The following FDFT1 variants were observed in gnomAD, a reference collection of about 807,000 sequenced individuals.
The protein encoded by FDFT1 is squalene synthase.
FDFT1 carries 68 observed loss-of-function variants against 46.8 expected under a neutral mutation model. The observed-to-expected ratio is 1.45, with a 90% CI of 1.19 to 1.78. The LOEUF (loss-of-function observed/expected upper bound fraction) is 1.78. Among genes scored for constraint, FDFT1 ranks in the 40% most tolerant of loss-of-function variants. The pLI is 0.00. For synonymous variants in FDFT1, 351 were observed against 185.1 expected, an observed-to-expected ratio of 1.90 and a Z score of -7.28; for missense variants, 928 against 524.4, an observed-to-expected ratio of 1.77 and a Z score of -7.52.
At position 11,808,588 on chromosome 8, in the gene FDFT1, C is replaced by T. The variant is rs537240778; in HGVS notation, c.100-206C>T. ...CGCACCTTGGTGCTGAGTCCCGCCG[C>T]GGCGCCCAGGGGCCCGGGCGCAGGC... On this transcript the variant is annotated intron_variant, in intron 1 of 7. Transcript: ENST00000220584. The T allele has an allele frequency of 4.3e-6, 6 of 1,387,050 alleles. No individual in the cohort carries two copies. In the South Asian group the frequency reaches 4.8e-5, roughly 11 times the overall value. The allele number at this position is 1,387,050 out of a possible 1,614,324, so 85.9% of individuals were successfully genotyped here.
rs749166948 is a variant in FDFT1, at chr8:11,809,860, G to A, written c.381+10G>A. 1 of 1,605,458 alleles carries A rather than the reference G, an allele frequency of 6.2e-7. No homozygotes were observed. The highest frequency in any genetic ancestry group is 8.5e-7 in the Non-Finnish European group (1 of 1,173,606). ...GGAGGACTTCCCAACGGTGAGTGGG[G>A]TTACGCATCTTGTCTACGGACTGTT... On this transcript the variant is annotated intron_variant, in intron 3 of 7. Transcript: ENST00000220584.
chr8:11,826,454 G>C (rs1341804832), intron 5 of FDFT1, among the ~76,000 whole-genome samples: 2 of 152,136 alleles, frequency 1.3e-5, no homozygotes, highest in Non-Finnish European at 2.9e-5. Flanking sequence ...CTTTCAGACG[G>C]TCTTTCTCCA....
At position 11,831,687 on chromosome 8, in the gene FDFT1, C is replaced by T. The variant is rs564223244; in HGVS notation, c.1032+17C>T. 7.5e-6 allele frequency: 12 copies of T among 1,598,370 alleles called. No homozygotes were observed. The highest frequency in any genetic ancestry group is 8.6e-6 in the Non-Finnish European group (10 of 1,166,008). On this transcript the variant is annotated intron_variant, in intron 7 of 7. Transcript: ENST00000220584. Reference sequence around the variant, plus strand: ...ATGGAAGAGGTGGGTTTTTATTTAACTACTTGGATAATTTGTAGCTACTTT... The same window carrying T: ...ATGGAAGAGGTGGGTTTTTATTTAATTACTTGGATAATTTGTAGCTACTTT...
chr8:11,824,960 C>A (rs1017443805), intron 4 of FDFT1, among the ~76,000 whole-genome samples: 2 of 152,058 alleles, frequency 1.3e-5, no homozygotes, highest in African/African-American at 4.8e-5. Context: ...TGGTCTTGAT[C>A]TCCTGATCTC....
chr8:11,803,397 C>T (rs888891906), intron 1 of FDFT1: 3 of 1,289,408 alleles, frequency 2.3e-6, no homozygotes, highest in East Asian at 5.5e-5. Context: ...GAGCTCTCCC[C>T]GCCTTGCTGC....
intron 1 of FDFT1, 80 bp from the exon 2 acceptor site, chr8:11,808,711 CCCA>C: frequency 4.4e-4 from 2 of 4,506 alleles, no homozygotes; most frequent in Non-Finnish European, 8.8e-4. Context: ...CTGCCCCAGT[CCCA>C]CTCCCACTCC....
rs531163772 is a variant in FDFT1, at chr8:11,815,683, C to G, written c.381+5833C>G. 4.6e-5 allele frequency among the ~76,000 whole-genome samples: 7 copies of G among 152,300 alleles called. No individual in the cohort carries two copies. The East Asian group carries it at 1.2e-3, about 25-fold the overall frequency. ...ATAAATGTCTTCCTTTGAGAAGTGTCTGTTCATATCCTTTGCCCACTTATT... is the reference window on the plus strand; with the variant it reads ...ATAAATGTCTTCCTTTGAGAAGTGTGTGTTCATATCCTTTGCCCACTTATT... On this transcript the variant is annotated intron_variant, in intron 3 of 7. Coordinates refer to ENST00000220584, the MANE Select transcript of FDFT1 (RefSeq NM_004462.5).
chr8:11,796,300 T>G (rs1467203369), intron 1 of FDFT1, among the ~76,000 whole-genome samples: 1 of 152,218 alleles, frequency 6.6e-6, no homozygotes, highest in Non-Finnish European at 1.5e-5. Context: ...CTGATCTGAT[T>G]ACGCTGTAAA....
At chr8:11,833,341 C>G (rs1168745879) in intron 7 of FDFT1, among the ~76,000 whole-genome samples, 3 of 152,198 alleles carry the variant, frequency 2.0e-5, no homozygotes, top group African/African-American at 7.2e-5. Context: ...ACATCAGAAT[C>G]CATGATGTTA....
chr8:11,825,986 T>C, intron 4 of FDFT1, 38 bp from the exon 5 acceptor site: 6 of 1,447,170 alleles, frequency 4.1e-6, no homozygotes, highest in Non-Finnish European at 5.6e-6. Flanking sequence ...TCAGTAAAAA[T>C]TCCATTATTA....
chr8:11,803,640 T>G (rs891315616), intron 1 of FDFT1: 3 of 503,364 alleles, frequency 6.0e-6, no homozygotes, highest in Non-Finnish European at 5.9e-6. Flanking sequence ...ATTGAATGAA[T>G]AGACAAATTC....
intron 3 of FDFT1, among the ~76,000 whole-genome samples, chr8:11,818,577 A>C (rs1338700350): frequency 2.6e-5 from 4 of 152,158 alleles, no homozygotes; most frequent in African/African-American, 4.8e-5. Context: ...TAAGATAGTT[A>C]GCTCTTCTTG....
intron 1 of FDFT1, among the ~76,000 whole-genome samples, chr8:11,796,180 C>T (rs1390048367): frequency 1.3e-5 from 2 of 152,174 alleles, no homozygotes; most frequent in Non-Finnish European, 2.9e-5. Context: ...AAATACAAAG[C>T]CAAATCCTAC....
Position 11,831,504 on chromosome 8 carries a change from C to T in FDFT1, c.880-14C>T, listed in dbSNP as rs768802995. 6.9e-6 allele frequency: 11 copies of T among 1,604,242 alleles called. No homozygotes were observed. Among genetic ancestry groups the T allele is most frequent in the South Asian group, 5.6e-5 (5 of 89,978 alleles). On this transcript the variant is annotated splice_polypyrimidine_tract_variant and intron_variant, in intron 6 of 7. Transcript: ENST00000220584. ...TCATTTCTTCTTTTTTCCCTCTCTT[C>T]TTGTTGTCTCTAGGTGATGGCCATT... is the stretch of plus-strand genomic sequence containing the variant.
chr8:11,821,109 T>C (rs1256744633), intron 3 of FDFT1, among the ~76,000 whole-genome samples: 1 of 152,188 alleles, frequency 6.6e-6, no homozygotes, highest in Non-Finnish European at 1.5e-5. Flanking sequence ...CACAAATGAA[T>C]CTTTCTCATA....
At chr8:11,797,448 G>C, upstream of FDFT1, among the ~76,000 whole-genome samples, 1 of 152,020 alleles carries the variant, frequency 6.6e-6, no homozygotes, top group East Asian at 1.9e-4. Flanking sequence ...CTTGGGTGTG[G>C]AACCTTATCT....
At chr8:11,822,359 GA>G (rs2130816346) in intron 4 of FDFT1, among the ~76,000 whole-genome samples, 1 of 152,290 alleles carries the variant, frequency 6.6e-6, no homozygotes, top group South Asian at 2.1e-4. Flanking sequence ...TAGGATCTCC[GA>G]AAAGATGCTG....
intron 7 of FDFT1, among the ~76,000 whole-genome samples, chr8:11,834,283 G>T (rs1173525733): frequency 6.6e-6 from 1 of 152,202 alleles, no homozygotes; most frequent in Admixed American, 6.5e-5. Flanking sequence ...CCCCACTCTG[G>T]AGCAGCCTCT....
chr8:11,827,590 A>G (rs1489952396), intron 5 of FDFT1, among the ~76,000 whole-genome samples: 2 of 152,112 alleles, frequency 1.3e-5, no homozygotes, highest in Non-Finnish European at 2.9e-5. Flanking sequence ...TATTCCTAAT[A>G]TTAAAAAAAA....
Sources: gnomAD v4.1 joint callset for allele counts (sites outside exome capture counted in the v4.1 genomes callset) on GRCh38, gnomAD v4.1.1 for gene constraint, MANE v1.5 for transcripts, NCBI Gene and HGNC (gene_info 2026-07-23, HGNC 2026-07-21) for gene names.